Variants in CCR3 observed in about 807,000 individuals in gnomAD.
CCR3 encodes C-C chemokine receptor type 3.
For missense variants in CCR3, 419 were observed against 437.5 expected (o/e 0.96, Z 0.38); for synonymous variants, 203 against 179.2 (o/e 1.13, Z -1.06).
chr3:46,215,915 C>G (rs1488655631), intron 2 of CCR3, among the ~76,000 whole-genome samples: 1 of 152,158 alleles, frequency 6.6e-6, no homozygotes, highest in Non-Finnish European at 1.5e-5. Context: ...ACTTCTGAGA[C>G]CCAACCTGCA....
At chr3:46,212,065 A>G (rs1368502470) in intron 2 of CCR3, among the ~76,000 whole-genome samples, 2 of 151,996 alleles carry the variant, frequency 1.3e-5, no homozygotes, top group African/African-American at 4.8e-5. Flanking sequence ...CACATCATCC[A>G]TGGCATCCAA....
chr3:46,215,659 G>T (rs540673648), intron 2 of CCR3, among the ~76,000 whole-genome samples: 5 of 152,184 alleles, frequency 3.3e-5, no homozygotes, highest in Non-Finnish European at 5.9e-5. Context: ...AGTCTGTATA[G>T]GGTTCAAGAG....
chr3:46,265,873 C>T lies in CCR3; in HGVS notation c.715C>T (p.Arg239Trp), dbSNP rs367876385. 22 of 1,614,078 alleles carry T rather than the reference C, an allele frequency of 1.4e-5. No homozygotes were observed. The highest frequency in any genetic ancestry group is 1.1e-4 in the African/African-American group (8 of 75,024). ...CPSKKKYKAI[R>W]LIFVIMAVFF... The stretch of plus-strand genomic sequence containing the variant: ...CAGTAAAAAAAAGTACAAGGCCATC[C>T]GGCTCATTTTTGTCATCATGGCGGT... Residue 239 changes from arginine to tryptophan, a missense_variant, in exon 2 of 2, where the codon CGG becomes TGG. Arg to Trp is a moderately radical substitution (Grantham distance 101). Coordinates refer to ENST00000395940, the MANE Select transcript of CCR3 (RefSeq NM_178329.3).
intron 1 of CCR3, among the ~76,000 whole-genome samples, chr3:46,249,225 G>A (rs971987173): frequency 1.3e-5 from 2 of 152,046 alleles, no homozygotes; most frequent in Admixed American, 1.3e-4. Flanking sequence ...AATGAGATGC[G>A]GCTATAGTCC....
rs748492820 is a variant in CCR3 at position 46,222,688 on chromosome 3, C to T, written c.-68+11781C>T. ...TCCAGCACACCAGACCTGGCACAGC[C>T]CTCAGATGCCAGCCATGCCACCTTG... On this transcript the variant is annotated intron_variant, in intron 2 of 3. Transcript: ENST00000357422. 1.1e-4 allele frequency among the ~76,000 whole-genome samples: 16 copies of T among 152,192 alleles called. 1 individual carries two copies. The highest frequency in any genetic ancestry group is 6.2e-4 in the South Asian group (3 of 4,830).
intron 1 of CCR3, among the ~76,000 whole-genome samples, chr3:46,242,982 C>CATATATATATATATATATACATAT (rs1553644085): frequency 1.0e-5 from 1 of 99,326 alleles, no homozygotes; most frequent in Non-Finnish European, 1.9e-5. Context: ...TATATATACA[C>CATATATATATATATATATACATAT]ATATATATAT....
chr3:46,212,583 T>G (rs1234157243), intron 2 of CCR3, among the ~76,000 whole-genome samples: 1 of 152,014 alleles, frequency 6.6e-6, no homozygotes, highest in Non-Finnish European at 1.5e-5. Flanking sequence ...TCATTTTTCC[T>G]CCTGCATCTC....
chr3:46,233,405 T>C (rs1422418847), intron 2 of CCR3, among the ~76,000 whole-genome samples: 1 of 152,204 alleles, frequency 6.6e-6, no homozygotes, highest in African/African-American at 2.4e-5. Context: ...TGCTCAAGGT[T>C]GTGGCTTGAC....
intron 1 of CCR3, among the ~76,000 whole-genome samples, chr3:46,244,125 A>G (rs1430835405): frequency 1.3e-5 from 2 of 152,236 alleles, no homozygotes; most frequent in African/African-American, 4.8e-5. Context: ...TGTGTAATAT[A>G]CCTTAAGGAA....
At chr3:46,241,741 G>A (rs1280358470), upstream of CCR3, among the ~76,000 whole-genome samples, 5 of 152,016 alleles carry the variant, frequency 3.3e-5, no homozygotes, top group African/African-American at 7.2e-5. Context: ...CTAAACCTTT[G>A]CAGCCACATT....
rs56773457 is a variant in CCR3 at position 46,243,002 on chromosome 3, T to TATACAC, written c.-12+465_-12+466insTACACA. On this transcript the variant is annotated intron_variant, in intron 1 of 1. Coordinates refer to ENST00000395940, the MANE Select transcript of CCR3 (RefSeq NM_178329.3). ...ATACACATATATATATATATATATA[T>TATACAC]ACGCACACACACATACATTTTTATA... Among the ~76,000 whole-genome samples the TATACAC allele has an allele frequency of 8.9e-3, 1,106 of 123,638 alleles. 38 individuals are homozygous for TATACAC. Among genetic ancestry groups the TATACAC allele is most frequent in the African/African-American group, 0.03 (915 of 30,694 alleles). The allele number at this position is 123,638 out of a possible 152,430, so 81.1% of individuals were successfully genotyped here.
intron 2 of CCR3, among the ~76,000 whole-genome samples, chr3:46,223,992 C>A (rs1004317177): frequency 6.6e-6 from 1 of 152,004 alleles, no homozygotes; most frequent in Admixed American, 6.5e-5. Context: ...TGCCCACAGC[C>A]AGAAACAGCT....
At chr3:46,233,403 G>A (rs1031633126) in intron 2 of CCR3, among the ~76,000 whole-genome samples, 1 of 152,186 alleles carries the variant, frequency 6.6e-6, no homozygotes, top group African/African-American at 2.4e-5. Context: ...CATGCTCAAG[G>A]TTGTGGCTTG....
chr3:46,251,251 A>G (rs1700304331), intron 1 of CCR3, among the ~76,000 whole-genome samples: 1 of 152,116 alleles, frequency 6.6e-6, no homozygotes, highest in Non-Finnish European at 1.5e-5. Flanking sequence ...ATGATTAAAC[A>G]CCAAGGGAAG....
chr3:46,235,324 G>A (rs2125925786), intron 2 of CCR3, among the ~76,000 whole-genome samples: 1 of 152,326 alleles, frequency 6.6e-6, no homozygotes, highest in South Asian at 2.1e-4. Flanking sequence ...CCACAGGAGT[G>A]TGGAAAGGGA....
intron 1 of CCR3, among the ~76,000 whole-genome samples, chr3:46,261,661 G>T (rs141775980): frequency 1.2e-4 from 18 of 152,328 alleles, no homozygotes; most frequent in Non-Finnish European, 1.9e-4. Context: ...CTCCCTGTGG[G>T]GCACTTCCTT....
intron 1 of CCR3, among the ~76,000 whole-genome samples, chr3:46,257,003 C>T (rs981645967): frequency 2.0e-5 from 3 of 147,038 alleles, no homozygotes; most frequent in African/African-American, 7.5e-5. Context: ...AGTAATGTAC[C>T]TTCAGGAGTC....
intron 2 of CCR3, among the ~76,000 whole-genome samples, chr3:46,221,359 T>TG (rs1699835065): frequency 6.6e-6 from 1 of 152,246 alleles, no homozygotes; most frequent in Non-Finnish European, 1.5e-5. Flanking sequence ...ATACTGTATC[T>TG]GAGTTTATAT....
intron 2 of CCR3, among the ~76,000 whole-genome samples, chr3:46,215,358 C>G (rs1462334011): frequency 6.6e-6 from 1 of 152,152 alleles, no homozygotes; most frequent in South Asian, 2.1e-4. Flanking sequence ...CACCTGGGAG[C>G]TTGGTGGAAA....
Sources: allele counts gnomAD v4.1 joint callset (sites outside exome capture counted in the v4.1 genomes callset), GRCh38; gene constraint gnomAD v4.1.1; transcripts MANE v1.5; gene names NCBI Gene and HGNC (gene_info 2026-07-23, HGNC 2026-07-21).